SERBP1: variants seen among roughly 807,000 people sequenced by gnomAD.
The protein encoded by SERBP1 is SERPINE1 mRNA-binding protein 1.
SERBP1 carries 6 observed loss-of-function variants against 50.2 expected under a neutral mutation model. The ratio of observed to expected loss-of-function variants is 0.12; its 90% CI spans 0.07 to 0.24. SERBP1 has a LOEUF of 0.24. Among genes scored for constraint, SERBP1 ranks in the 10% least tolerant of loss-of-function variants. The pLI, the probability that SERBP1 is intolerant of heterozygous loss-of-function variation, is 1.00. For missense variants in SERBP1, 346 were observed against 524.9 expected, an observed-to-expected ratio of 0.66 and a Z score of 3.33; for synonymous variants, 168 against 182.8, an observed-to-expected ratio of 0.92 and a Z score of 0.65.
At chr1:67,428,084 T>C (rs982015599) in intron 1 of SERBP1, among the ~76,000 whole-genome samples, 2 of 152,240 alleles carry the variant, frequency 1.3e-5, no homozygotes, top group African/African-American at 4.8e-5. Context: ...GTTTACAGAT[T>C]TATTCCCAGT....
rs924244096 is a variant in SERBP1 at position 67,412,272 on chromosome 1, T to G, written c.*935A>C. Reference sequence around the variant, plus strand: ...AAATCATACCAAATGGCCAGACACTTATTTTACAGAACAGTTTAAATATTA... The same window carrying G: ...AAATCATACCAAATGGCCAGACACTGATTTTACAGAACAGTTTAAATATTA... On this transcript the variant is annotated 3_prime_UTR_variant, in exon 8 of 8. Transcript: ENST00000361219. 1 of 152,684 alleles carries G rather than the reference T, an allele frequency of 6.5e-6. No individual in the cohort carries two copies. Among genetic ancestry groups the G allele is most frequent in the African/African-American group, 2.4e-5 (1 of 41,462 alleles). The allele number at this position is 152,684 out of a possible 1,614,324, so 9.5% of individuals were successfully genotyped here.
At chr1:67,429,683 G>A (rs1005982923) in intron 1 of SERBP1, 2 of 284,274 alleles carry the variant, frequency 7.0e-6, no homozygotes, top group Middle Eastern at 1.0e-3. Flanking sequence ...CCGGCGGGAA[G>A]GCAACAGCCT....
In SERBP1 at chr1:67,410,218, T is replaced by C. The variant is rs191292757; in HGVS notation, c.*2989A>G. ...GTTGTTTCCTTCCACATGATGGTAC[T>C]TTCCTAAAGACATGTTAGGTTGGTA... is the stretch of plus-strand genomic sequence containing the variant. On this transcript the variant is annotated 3_prime_UTR_variant, in exon 8 of 8. Coordinates refer to ENST00000361219, the MANE Select transcript of SERBP1 (RefSeq NM_001018069.2). 1 of 152,318 alleles carries C rather than the reference T, an allele frequency of 6.6e-6. No homozygotes were observed. Among genetic ancestry groups the C allele is most frequent in the East Asian group, 1.9e-4 (1 of 5,190 alleles). The allele number at this position is 152,318 out of a possible 1,614,324, so 9.4% of individuals were successfully genotyped here.
intron 7 of SERBP1, among the ~76,000 whole-genome samples, chr1:67,413,630 CAG>C (rs1337632813): frequency 1.5e-5 from 2 of 133,880 alleles, no homozygotes; most frequent in African/African-American, 5.6e-5. Flanking sequence ...GCCTGGGAAA[CAG>C]AGTGAGACTC....
Position 67,408,699 on chromosome 1 carries a change from G to C in SERBP1, c.*4508C>G, listed in dbSNP as rs1268248552. ...GAAAAACCTCTTTGCACAACGCAAA[G>C]GACTTACACAAAGGGATCTGAGTCA... On this transcript the variant is annotated 3_prime_UTR_variant, in exon 8 of 8. Transcript: ENST00000361219. 2.0e-5 allele frequency: 3 copies of C among 152,166 alleles called. No individual in the cohort carries two copies. Among genetic ancestry groups the C allele is most frequent in the East Asian group, 3.9e-4 (2 of 5,184 alleles). 9.4% of individuals were successfully genotyped at this position (152,166 alleles called of 1,614,324 possible). A position where few individuals can be genotyped will look rare whatever the true frequency, so the allele number is the denominator to read the frequency against.
intron 5 of SERBP1, 30 bp downstream of exon 5, chr1:67,424,170 G>A (rs375058838): frequency 1.3e-6 from 2 of 1,580,062 alleles, no homozygotes; most frequent in African/African-American, 2.7e-5. Flanking sequence ...TCAATTCTGG[G>A]TCATTACTAT....
intron 6 of SERBP1, 154 bp downstream of exon 6, chr1:67,419,854 AG>A (rs917670045): frequency 6.2e-6 from 4 of 640,840 alleles, no homozygotes; most frequent in Non-Finnish European, 1.1e-5. Flanking sequence ...GTGATAATAC[AG>A]TTTATTTTCC....
rs1231733659 is a variant in SERBP1 at position 67,409,954 on chromosome 1, G to A, written c.*3253C>T. 1 of 152,170 alleles carries A rather than the reference G, an allele frequency of 6.6e-6. No individual in the cohort carries two copies. The highest frequency in any genetic ancestry group is 1.5e-5 in the Non-Finnish European group (1 of 68,036). 9.4% of individuals were successfully genotyped at this position (152,170 alleles called of 1,614,324 possible). On this transcript the variant is annotated 3_prime_UTR_variant, in exon 8 of 8. Coordinates refer to ENST00000361219, the MANE Select transcript of SERBP1 (RefSeq NM_001018069.2). Reference sequence around the variant, plus strand: ...TGAAGATCTCGCTGGTACATGTTCAGACTTGCTAAAACTTATTTACATATT... The same window carrying A: ...TGAAGATCTCGCTGGTACATGTTCAAACTTGCTAAAACTTATTTACATATT...
intron 6 of SERBP1, 68 bp downstream of exon 6, chr1:67,419,941 A>G (rs924641497): frequency 7.0e-7 from 1 of 1,433,358 alleles, no homozygotes; most frequent in Non-Finnish European, 9.7e-7. Context: ...GAAATTTTAA[A>G]ACAAAAATTA....
In SERBP1 at chr1:67,409,436, G is replaced by C; in HGVS notation, c.*3771C>G. On this transcript the variant is annotated 3_prime_UTR_variant, in exon 8 of 8. Transcript: ENST00000361219. ...ACACACACACCCCCACACACACCAG[G>C]TCACAGGCTGAACTTTGCTGACCCC... The C allele has an allele frequency of 7.6e-6, 1 of 130,774 alleles. No homozygotes were observed. The highest frequency in any genetic ancestry group is 2.5e-4 in the South Asian group (1 of 4,072). The allele number at this position is 130,774 out of a possible 1,614,324, so 8.1% of individuals were successfully genotyped here.
chr1:67,418,811 A>AAT (rs1369364561), intron 6 of SERBP1, among the ~76,000 whole-genome samples: 1 of 152,188 alleles, frequency 6.6e-6, no homozygotes, highest in African/African-American at 2.4e-5. Flanking sequence ...TTGCCCTCAC[A>AAT]ATATTTTAAT....
In SERBP1 at chr1:67,411,052, G is replaced by A. The variant is rs1028307273; in HGVS notation, c.*2155C>T. On this transcript the variant is annotated 3_prime_UTR_variant, in exon 8 of 8. Coordinates refer to ENST00000361219, the MANE Select transcript of SERBP1 (RefSeq NM_001018069.2). ...TGATTGTTTTTATGACTTTTAAGAA[G>A]TGAGCATGAAAATAAATCTTTATTT... 1.3e-5 allele frequency: 2 copies of A among 152,144 alleles called. No individual in the cohort carries two copies. The highest frequency in any genetic ancestry group is 2.4e-5 in the African/African-American group (1 of 41,444). 9.4% of individuals were successfully genotyped at this position (152,144 alleles called of 1,614,324 possible).
intron 7 of SERBP1, among the ~76,000 whole-genome samples, chr1:67,414,330 A>G (rs1666935645): frequency 6.6e-6 from 1 of 151,010 alleles, no homozygotes; most frequent in African/African-American, 2.4e-5. Context: ...CTAAAAAAGA[A>G]AGTATGGGAA....
chr1:67,428,950 A>T (rs938666578), intron 1 of SERBP1, among the ~76,000 whole-genome samples: 2 of 152,168 alleles, frequency 1.3e-5, no homozygotes, highest in African/African-American at 4.8e-5. Flanking sequence ...CTTGCTATTG[A>T]TCATGCACGT....
intron 6 of SERBP1, among the ~76,000 whole-genome samples, chr1:67,419,112 T>C (rs1667123712): frequency 6.6e-6 from 1 of 152,240 alleles, no homozygotes; most frequent in Non-Finnish European, 1.5e-5. Flanking sequence ...CAACGTGGCT[T>C]TGAACATTCT....
At position 67,429,223 on chromosome 1, in the gene SERBP1, T is replaced by C. The variant is rs185126538; in HGVS notation, c.313+765A>G. ...GACCCCACCACGTGAAAGATTCAGT[T>C]TGGGGAGTCGAGAGAGAGGATCGTG... is the stretch of plus-strand genomic sequence containing the variant. On this transcript the variant is annotated intron_variant, in intron 1 of 7. Transcript: ENST00000361219. Among the ~76,000 whole-genome samples the C allele has an allele frequency of 3.9e-3, 589 of 152,270 alleles. 2 individuals are homozygous for C. The highest frequency in any genetic ancestry group is 0.014 in the African/African-American group (571 of 41,568).
intron 1 of SERBP1, among the ~76,000 whole-genome samples, chr1:67,428,068 G>T (rs909151300): frequency 6.6e-6 from 1 of 152,134 alleles, no homozygotes. Context: ...TACATGCAGC[G>T]ACTTTGTTTA....
chr1:67,415,021 A>G, intron 7 of SERBP1, 145 bp downstream of exon 7: 1 of 888,216 alleles, frequency 1.1e-6, no homozygotes, highest in Non-Finnish European at 1.6e-6. Flanking sequence ...AGTGCTTTAA[A>G]CATAAATATA....
At chr1:67,421,981 G>A (rs1350967580) in intron 5 of SERBP1, among the ~76,000 whole-genome samples, 4 of 152,112 alleles carry the variant, frequency 2.6e-5, no homozygotes, top group Middle Eastern at 3.2e-3. Flanking sequence ...GAAACTTAAC[G>A]TTGCATAGGG....
Sources: gnomAD v4.1 joint callset for allele counts (sites outside exome capture counted in the v4.1 genomes callset) on GRCh38, gnomAD v4.1.1 for gene constraint, MANE v1.5 for transcripts, NCBI Gene and HGNC (gene_info 2026-07-23, HGNC 2026-07-21) for gene names.